Variants in RBFOX1 observed in about 807,000 individuals in gnomAD.
The protein encoded by RBFOX1 is RNA binding protein fox-1 homolog 1.
A neutral mutation model predicts 57.7 loss-of-function variants in RBFOX1; 8 were observed. The ratio of observed to expected loss-of-function variants is 0.14; its 90% confidence interval spans 0.08 to 0.25. RBFOX1 has a LOEUF of 0.25. RBFOX1 is among the 10% of genes least tolerant of loss of function. RBFOX1 has a pLI of 1.00. For missense variants in RBFOX1, 611 were observed against 548.5 expected (o/e 1.11, Z -1.14); for synonymous variants, 326 against 222.4 (o/e 1.47, Z -4.15).
At chr16:6,212,264 C>T (rs943382463) in intron 1 of RBFOX1, among the ~76,000 whole-genome samples, 1 of 151,986 alleles carries the variant, frequency 6.6e-6, no homozygotes, top group African/African-American at 2.4e-5. Context: ...AGTATATATA[C>T]TATGATTACT....
intron 4 of RBFOX1, among the ~76,000 whole-genome samples, chr16:7,122,170 T>C (rs968918240): frequency 1.3e-5 from 2 of 152,072 alleles, no homozygotes; most frequent in African/African-American, 4.8e-5. Context: ...TTAACAAAAT[T>C]GTTAATAAAT....
intron 1 of RBFOX1, chr16:5,289,132 A>G (rs1410511632): frequency 1.4e-5 from 3 of 213,986 alleles, no homozygotes; most frequent in Non-Finnish European, 1.9e-5. Flanking sequence ...CTCAAAAAAC[A>G]AAAAAAACAC....
intron 3 of RBFOX1, among the ~76,000 whole-genome samples, chr16:6,857,670 C>G (rs1168029884): frequency 1.3e-5 from 2 of 152,180 alleles, no homozygotes; most frequent in Non-Finnish European, 2.9e-5. Context: ...GAAACTTACT[C>G]TCTGTGATAG....
chr16:6,364,985 T>C (rs1321050803), intron 2 of RBFOX1, among the ~76,000 whole-genome samples: 2 of 152,152 alleles, frequency 1.3e-5, no homozygotes, highest in Admixed American at 1.3e-4. Context: ...TATGGGCATA[T>C]GACAGTATGT....
intron 3 of RBFOX1, among the ~76,000 whole-genome samples, chr16:6,832,789 G>C (rs1317726213): frequency 5.3e-5 from 8 of 152,158 alleles, no homozygotes; most frequent in South Asian, 2.1e-4. Flanking sequence ...TGTGCTCCTA[G>C]GTGAGCAGCC....
chr16:6,908,439 C>T lies in RBFOX1; in HGVS notation c.-15-143618C>T, dbSNP rs189239368. 9.7e-4 allele frequency among the ~76,000 whole-genome samples: 142 copies of T among 146,262 alleles called. 3 individuals are homozygous for T. In the East Asian group the frequency reaches 0.013, roughly 13 times the overall value. On this transcript the variant is annotated intron_variant, in intron 3 of 15. Transcript: ENST00000550418. Reference sequence around the variant, plus strand: ...TGACTTTTCCACTGATACCTCTGGCCTCTGGTGTGACCTCTTCTAGACTTT... The same window carrying T: ...TGACTTTTCCACTGATACCTCTGGCTTCTGGTGTGACCTCTTCTAGACTTT...
At chr16:5,557,498 C>T (rs191966506) in intron 2 of RBFOX1, among the ~76,000 whole-genome samples, 58 of 151,870 alleles carry the variant, frequency 3.8e-4, no homozygotes, top group Admixed American at 9.2e-4. Context: ...GGGGTGCTTG[C>T]GGTAAGGGGT....
intron 4 of RBFOX1, among the ~76,000 whole-genome samples, chr16:7,460,235 C>T (rs1246634302): frequency 6.6e-6 from 1 of 151,498 alleles, no homozygotes; most frequent in African/African-American, 2.4e-5. Context: ...CTGCAACACC[C>T]AGAAGAAGAA....
intron 4 of RBFOX1, among the ~76,000 whole-genome samples, chr16:7,453,068 G>T (rs2057704948): frequency 6.7e-6 from 1 of 150,362 alleles, no homozygotes; most frequent in African/African-American, 2.5e-5. Context: ...GGTGGAGGTT[G>T]CAGTGAGCTG....
chr16:7,514,132 A>G (rs2075824412), intron 4 of RBFOX1, among the ~76,000 whole-genome samples: 1 of 152,266 alleles, frequency 6.6e-6, no homozygotes, highest in South Asian at 2.1e-4. Context: ...ATGATAGATC[A>G]TTCAGTCTTG....
chr16:6,396,677 C>G (rs1018008790), intron 2 of RBFOX1, among the ~76,000 whole-genome samples: 1 of 152,038 alleles, frequency 6.6e-6, no homozygotes, highest in Non-Finnish European at 1.5e-5. Context: ...AGTAAGTTAA[C>G]AAAATTCAGC....
chr16:5,608,970 C>G (rs1021093076), intron 3 of RBFOX1, among the ~76,000 whole-genome samples: 88 of 152,200 alleles, frequency 5.8e-4, no homozygotes, highest in African/African-American at 2.1e-3. Context: ...CCCCCCATAT[C>G]CATTTCGCCA....
intron 3 of RBFOX1, among the ~76,000 whole-genome samples, chr16:5,860,561 A>G (rs1008087700): frequency 2.0e-5 from 3 of 152,200 alleles, no homozygotes; most frequent in African/African-American, 7.2e-5. Context: ...GTTTCCTGTT[A>G]TCCCCAAATG....
chr16:7,411,578 G>C (rs2149099950), intron 4 of RBFOX1, among the ~76,000 whole-genome samples: 1 of 152,272 alleles, frequency 6.6e-6, no homozygotes, highest in South Asian at 2.1e-4. Flanking sequence ...GGGACATCGT[G>C]CAAAATATCT....
At chr16:7,068,831 C>T (rs964592634) in intron 4 of RBFOX1, among the ~76,000 whole-genome samples, 5 of 152,210 alleles carry the variant, frequency 3.3e-5, no homozygotes, top group Non-Finnish European at 5.9e-5. Flanking sequence ...TCAAGTGGTC[C>T]ACCTGCCATG....
intron 4 of RBFOX1, among the ~76,000 whole-genome samples, chr16:7,225,042 G>A (rs955966744): frequency 2.0e-5 from 3 of 152,102 alleles, no homozygotes; most frequent in Non-Finnish European, 2.9e-5. Context: ...AGTTGTTGCC[G>A]GAGTTAAATA....
intron 3 of RBFOX1, among the ~76,000 whole-genome samples, chr16:6,699,354 C>G (rs551435907): frequency 1.3e-5 from 2 of 149,874 alleles, no homozygotes; most frequent in South Asian, 4.2e-4. Context: ...ATAAGGTTCT[C>G]TGTAACAGTC....
intron 3 of RBFOX1, among the ~76,000 whole-genome samples, chr16:6,919,286 C>T (rs2073942720): frequency 6.6e-6 from 1 of 152,098 alleles, no homozygotes; most frequent in Non-Finnish European, 1.5e-5. Flanking sequence ...TGGCGCCTGG[C>T]CCAAGAGGTA....
At chr16:6,160,747 G>C (rs1003685825) in intron 1 of RBFOX1, among the ~76,000 whole-genome samples, 5 of 152,136 alleles carry the variant, frequency 3.3e-5, no homozygotes, top group Admixed American at 1.3e-4. Context: ...AACTGCAGTC[G>C]TTCCTCTAGG....
Sources: gnomAD v4.1 joint callset for allele counts (sites outside exome capture counted in the v4.1 genomes callset) on GRCh38, gnomAD v4.1.1 for gene constraint, MANE v1.5 for transcripts, NCBI Gene and HGNC (gene_info 2026-07-23, HGNC 2026-07-21) for gene names.